The following SENP7 variants were observed in gnomAD, a reference collection of about 807,000 sequenced individuals.
The protein encoded by SENP7 is sentrin-specific protease 7.
In SENP7, 64 loss-of-function variants were observed where a neutral mutation model predicts 141.2. The observed-to-expected ratio is 0.45, with a 90% CI of 0.37 to 0.56. SENP7 has a LOEUF of 0.56. Ranked by LOEUF, SENP7 falls within the 20% of genes least tolerant of loss-of-function variation. The pLI, the probability that SENP7 is intolerant of heterozygous loss-of-function variation, is 0.00. For missense variants in SENP7, 1,025 were observed against 1,212.2 expected (o/e 0.85, Z 2.29); for synonymous variants, 382 against 426.4 (o/e 0.90, Z 1.28).
At chr3:101,349,532 T>A (rs1269264198) in intron 12 of SENP7, among the ~76,000 whole-genome samples, 4 of 152,160 alleles carry the variant, frequency 2.6e-5, no homozygotes, top group Admixed American at 6.5e-5. Context: ...AATAGTTTGC[T>A]GAGAATGATG....
chr3:101,340,617 T>C (rs2059304399), intron 15 of SENP7, among the ~76,000 whole-genome samples: 1 of 152,198 alleles, frequency 6.6e-6, no homozygotes, highest in Admixed American at 6.5e-5. Context: ...TCAAGACTAG[T>C]TCCCTTCCTT....
In SENP7 at chr3:101,500,330, G is replaced by A. The variant is rs529932967; in HGVS notation, c.90+740C>T. Among the ~76,000 whole-genome samples, 6 of 152,278 alleles carry A rather than the reference G, an allele frequency of 3.9e-5. No individual in the cohort carries two copies. In the South Asian group the frequency reaches 1.2e-3, roughly 32 times the overall value. ...AACACTTTGGGAGGCCAAGGCAGGA[G>A]GATTGCTTGAGGCCAGGAATGTGAG... is the stretch of plus-strand genomic sequence containing the variant. On this transcript the variant is annotated intron_variant, in intron 2 of 23. Coordinates refer to ENST00000394095, the MANE Select transcript of SENP7 (RefSeq NM_020654.5).
At chr3:101,349,668 A>C (rs1055437396) in intron 12 of SENP7, among the ~76,000 whole-genome samples, 10 of 152,292 alleles carry the variant, frequency 6.6e-5, no homozygotes, top group African/African-American at 1.9e-4. Flanking sequence ...CATGTACCCT[A>C]AAACTTAAAG....
chr3:101,486,052 A>G (rs1051221259), intron 3 of SENP7, among the ~76,000 whole-genome samples: 1 of 152,188 alleles, frequency 6.6e-6, no homozygotes, highest in African/African-American at 2.4e-5. Flanking sequence ...AATTAACCCA[A>G]TCCAACAAAG....
At chr3:101,352,924 G>A (rs909574533) in intron 11 of SENP7, among the ~76,000 whole-genome samples, 4 of 151,960 alleles carry the variant, frequency 2.6e-5, no homozygotes, top group African/African-American at 4.8e-5. Context: ...TGAGGCAATA[G>A]ATCATAATTA....
chr3:101,463,370 T>TAG (rs2063622919), intron 3 of SENP7, among the ~76,000 whole-genome samples: 1 of 83,670 alleles, frequency 1.2e-5, no homozygotes, highest in African/African-American at 5.5e-5. Flanking sequence ...AATAAATATA[T>TAG]ATATATATAT....
chr3:101,347,825 T>C, intron 13 of SENP7, 47 bp downstream of exon 13: 3 of 941,266 alleles, frequency 3.2e-6, no homozygotes, highest in Non-Finnish European at 4.5e-6. Context: ...AAACTATTTA[T>C]GACAATTTCA....
intron 3 of SENP7, among the ~76,000 whole-genome samples, chr3:101,467,938 G>A (rs997340783): frequency 6.6e-6 from 1 of 152,122 alleles, no homozygotes; most frequent in Non-Finnish European, 1.5e-5. Context: ...TGAACCCATC[G>A]CAAGGAAGCT....
At chr3:101,480,873 T>C (rs914934585) in intron 3 of SENP7, among the ~76,000 whole-genome samples, 6 of 151,188 alleles carry the variant, frequency 4.0e-5, no homozygotes, top group East Asian at 1.9e-4. Context: ...CATGAAAAAA[T>C]GCTCAACATC....
rs55855998 is a variant in SENP7, at chr3:101,499,535, A to ATTTTTTTTTTTTTTTTTTTTT, written c.90+1534_90+1535insAAAAAAAAAAAAAAAAAAAAA. The stretch of plus-strand genomic sequence containing the variant: ...AGGCACCTGCCATCATGCCCAGCTA[A>ATTTTTTTTTTTTTTTTTTTTT]TTTTTTTTTTTTTTCTTGGAGACAG... On this transcript the variant is annotated intron_variant, in intron 2 of 23. Transcript: ENST00000394095. Among the ~76,000 whole-genome samples the ATTTTTTTTTTTTTTTTTTTTT allele has an allele frequency of 2.0e-3, 279 of 138,728 alleles. 3 individuals are homozygous for ATTTTTTTTTTTTTTTTTTTTT. The highest frequency in any genetic ancestry group is 3.0e-3 in the Non-Finnish European group (191 of 64,108). 91.0% of individuals were successfully genotyped at this position (138,728 alleles called of 152,430 possible). A position where few individuals can be genotyped will look rare whatever the true frequency, so the allele number is the denominator to read the frequency against.
chr3:101,413,240 C>T (rs1215556086), intron 5 of SENP7, among the ~76,000 whole-genome samples: 1 of 152,106 alleles, frequency 6.6e-6, no homozygotes, highest in African/African-American at 2.4e-5. Flanking sequence ...CAAAAAGCCT[C>T]ATATCAAAGT....
At chr3:101,344,910 G>A (rs1026784656) in intron 13 of SENP7, among the ~76,000 whole-genome samples, 3 of 141,590 alleles carry the variant, frequency 2.1e-5, no homozygotes, top group Non-Finnish European at 4.5e-5. Flanking sequence ...GGGAGGCCAA[G>A]GCAGGAGGAT....
intron 2 of SENP7, 88 bp from the exon 3 acceptor site, chr3:101,494,056 C>A: frequency 1.6e-6 from 1 of 610,072 alleles, no homozygotes; most frequent in Non-Finnish European, 2.9e-6. Flanking sequence ...TACCCTGCAT[C>A]AATAATTTGC....
chr3:101,489,504 C>CTTTTTTATATTCTT (rs375150675), intron 3 of SENP7, among the ~76,000 whole-genome samples: 1 of 115,680 alleles, frequency 8.6e-6, no homozygotes, highest in African/African-American at 3.1e-5. Context: ...GAGCAGGAGC[C>CTTTTTTATATTCTT]ACTATTCTTA....
At chr3:101,346,271 T>C (rs1455698407) in intron 13 of SENP7, among the ~76,000 whole-genome samples, 1 of 152,028 alleles carries the variant, frequency 6.6e-6, no homozygotes, top group Non-Finnish European at 1.5e-5. Context: ...TAGAAGTTGG[T>C]GTGGATACAG....
At chr3:101,490,006 T>A (rs2064898493) in intron 3 of SENP7, among the ~76,000 whole-genome samples, 2 of 151,904 alleles carry the variant, frequency 1.3e-5, no homozygotes, top group Admixed American at 6.6e-5. Context: ...CCAACATGGA[T>A]AAACCCCATC....
At chr3:101,332,173 G>T (rs2059074737) in intron 18 of SENP7, 64 bp from the exon 19 acceptor site, 1 of 1,457,538 alleles carries the variant, frequency 6.9e-7, no homozygotes, top group African/African-American at 1.4e-5. Context: ...ATATATTCTA[G>T]AGATACATCT....
At position 101,359,339 on chromosome 3, in the gene SENP7, AAG is replaced by A. The variant is rs1464402361; in HGVS notation, c.1623+2374_1623+2375del. On this transcript the variant is annotated intron_variant, in intron 11 of 23. Coordinates refer to ENST00000394095, the MANE Select transcript of SENP7 (RefSeq NM_020654.5). Reference sequence around the variant, plus strand: ...TTTGCTGAAGTTGTTTATCAGCTGAAAGAGCTTTTGGGCTGAGATCCTATATC... The same window carrying A: ...TTTGCTGAAGTTGTTTATCAGCTGAAAGCTTTTGGGCTGAGATCCTATATC... 4 of 151,228 alleles carry A rather than the reference AAG, an allele frequency of 2.6e-5. 1 individual carries two copies. The highest frequency in any genetic ancestry group is 5.9e-5 in the Non-Finnish European group (4 of 67,792). The allele number at this position is 151,228 out of a possible 1,614,324, so 9.4% of individuals were successfully genotyped here.
rs1227724932 is a variant in SENP7 at position 101,420,237 on chromosome 3, G to A, written c.285-2447C>T. On this transcript the variant is annotated intron_variant, in intron 4 of 23. Coordinates refer to ENST00000394095, the MANE Select transcript of SENP7 (RefSeq NM_020654.5). ...CAAAAAATTAGCCGGGCATGGTGGCGGGCACCTGTAGTCCCAGCTACTCAG... is the reference window on the plus strand; with the variant it reads ...CAAAAAATTAGCCGGGCATGGTGGCAGGCACCTGTAGTCCCAGCTACTCAG... 2.0e-5 allele frequency among the ~76,000 whole-genome samples: 3 copies of A among 152,180 alleles called. No homozygotes were observed. The East Asian group carries it at 5.8e-4, about 29-fold the overall frequency.
Sources: gnomAD v4.1 joint callset for allele counts (sites outside exome capture counted in the v4.1 genomes callset) on GRCh38, gnomAD v4.1.1 for gene constraint, MANE v1.5 for transcripts, NCBI Gene and HGNC (gene_info 2026-07-23, HGNC 2026-07-21) for gene names.